The following SLIT1 variants were observed in gnomAD, a reference collection of about 807,000 sequenced individuals.
SLIT1 encodes slit guidance ligand 1, also known as slit homolog 1 protein.
A neutral mutation model predicts 186.1 loss-of-function variants in SLIT1; 66 were observed. The ratio of observed to expected loss-of-function variants is 0.35; its 90% CI spans 0.29 to 0.44. The LOEUF (loss-of-function observed/expected upper bound fraction) is 0.44. Among genes scored for constraint, SLIT1 ranks in the 20% least tolerant of loss-of-function variants. The pLI is 1.00. For missense variants in SLIT1, 1,638 were observed against 2,037.4 expected, an observed-to-expected ratio of 0.80 and a Z score of 3.77; for synonymous variants, 761 against 833.8, an observed-to-expected ratio of 0.91 and a Z score of 1.50.
rs184692643 is a variant in SLIT1 at position 97,145,329 on chromosome 10, G to A, written c.413+12489C>T. ...GACAGGGTTTCGCCCTGTTGGCCGG[G>A]ATGGTCTCGAACTCCTGACCTCGCG... On this transcript the variant is annotated intron_variant, in intron 4 of 36. Transcript: ENST00000266058. Among the ~76,000 whole-genome samples, 516 of 152,168 alleles carry A rather than the reference G, an allele frequency of 3.4e-3. 4 individuals carry two copies. The highest frequency in any genetic ancestry group is 0.012 in the African/African-American group (500 of 41,518).
At chr10:97,155,796 A>G (rs1460816066) in intron 4 of SLIT1, among the ~76,000 whole-genome samples, 3 of 152,250 alleles carry the variant, frequency 2.0e-5, no homozygotes, top group African/African-American at 7.2e-5. Context: ...TGCACAATTG[A>G]GACCAAGAGA....
intron 4 of SLIT1, among the ~76,000 whole-genome samples, chr10:97,070,567 G>C (rs1848993155): frequency 6.6e-6 from 1 of 152,216 alleles, no homozygotes; most frequent in Non-Finnish European, 1.5e-5. Flanking sequence ...GTATTAGGAG[G>C]TGAGGACTTT....
chr10:97,059,350 A>AG, intron 11 of SLIT1, 110 bp downstream of exon 11: 2 of 863,608 alleles, frequency 2.3e-6, no homozygotes, highest in Non-Finnish European at 1.9e-6. Flanking sequence ...GGCTGTGTGG[A>AG]GGGGGGCATA....
intron 4 of SLIT1, among the ~76,000 whole-genome samples, chr10:97,092,916 A>C (rs942652895): frequency 1.3e-5 from 2 of 152,226 alleles, no homozygotes; most frequent in Non-Finnish European, 2.9e-5. Flanking sequence ...CCATGAGGCC[A>C]CTGGACTATT....
At chr10:97,108,580 G>C (rs570921259) in intron 4 of SLIT1, among the ~76,000 whole-genome samples, 3 of 152,272 alleles carry the variant, frequency 2.0e-5, no homozygotes, top group African/African-American at 7.2e-5. Context: ...GCCCAACATG[G>C]CATCGGCTGG....
chr10:97,165,356 TG>T (rs899788832), intron 1 of SLIT1, among the ~76,000 whole-genome samples: 5 of 152,150 alleles, frequency 3.3e-5, no homozygotes, highest in African/African-American at 1.2e-4. Context: ...AAGGTCCCCA[TG>T]GGGACACCAG....
chr10:97,141,927 G>C (rs958099450), intron 4 of SLIT1, among the ~76,000 whole-genome samples: 6 of 152,096 alleles, frequency 3.9e-5, no homozygotes, highest in African/African-American at 1.4e-4. Flanking sequence ...CAGCCTCCCA[G>C]TAGTTGGGAC....
intron 18 of SLIT1, among the ~76,000 whole-genome samples, chr10:97,046,331 T>C (rs572689549): frequency 3.3e-4 from 50 of 152,210 alleles, no homozygotes; most frequent in Admixed American, 1.8e-3. Flanking sequence ...CCTGCAGCAG[T>C]GCCAGCCACT....
chr10:97,040,570 G>T (rs1848682096), intron 20 of SLIT1, among the ~76,000 whole-genome samples: 1 of 152,154 alleles, frequency 6.6e-6, no homozygotes, highest in Non-Finnish European at 1.5e-5. Context: ...AGTGCCTAGT[G>T]CAGTGCCTGG....
chr10:97,004,236 G>A lies in SLIT1; in HGVS notation c.3711-14C>T. ...ATCGTCTCAGCACTGGAGGAAGAGG[G>A]GGTTCCCCGTTCCAGGGAGTGGGCA... is the stretch of plus-strand genomic sequence containing the variant. On this transcript the variant is annotated splice_polypyrimidine_tract_variant and intron_variant, in intron 33 of 36. Coordinates refer to ENST00000266058, the MANE Select transcript of SLIT1 (RefSeq NM_003061.3). The surrounding 1 kb of genome is among the most constrained non-coding windows in gnomAD (Gnocchi z 5.1). The A allele has an allele frequency of 6.3e-7, 1 of 1,594,154 alleles. No homozygotes were observed. Among genetic ancestry groups the A allele is most frequent in the Non-Finnish European group, 8.6e-7 (1 of 1,163,568 alleles).
intron 21 of SLIT1, 106 bp downstream of exon 21, chr10:97,039,882 T>A: frequency 7.6e-7 from 1 of 1,317,802 alleles, no homozygotes; most frequent in Non-Finnish European, 1.0e-6. Flanking sequence ...TGCCTGCTCT[T>A]GGTCACCTCC....
In SLIT1 at chr10:97,094,894, G is replaced by T. The variant is rs142469148; in HGVS notation, c.414-28808C>A. Reference sequence around the variant, plus strand: ...ATGGAATTATTTTAAACAAATAAACGCAAATGAGCACATCTCAATAAATGA... The same window carrying T: ...ATGGAATTATTTTAAACAAATAAACTCAAATGAGCACATCTCAATAAATGA... On this transcript the variant is annotated intron_variant, in intron 4 of 36. Transcript: ENST00000266058. 1.9e-3 allele frequency among the ~76,000 whole-genome samples: 292 copies of T among 152,242 alleles called. 1 individual carries two copies. The highest frequency in any genetic ancestry group is 0.01 in the East Asian group (54 of 5,194).
At chr10:97,182,315 G>C (rs761068315) in intron 1 of SLIT1, among the ~76,000 whole-genome samples, 1 of 152,170 alleles carries the variant, frequency 6.6e-6, no homozygotes, top group Non-Finnish European at 1.5e-5. Flanking sequence ...GCAGGCTGCC[G>C]CAGAAACTGC....
chr10:97,121,020 G>T (rs1022381111), intron 4 of SLIT1, among the ~76,000 whole-genome samples: 13 of 152,244 alleles, frequency 8.5e-5, no homozygotes, highest in African/African-American at 2.9e-4. Flanking sequence ...TGTCAAGACG[G>T]TCTCCCTGGC....
chr10:97,042,883 CG>C lies in SLIT1; in HGVS notation c.2164+17del, dbSNP rs755333886. On this transcript the variant is annotated intron_variant, in intron 20 of 36. Coordinates refer to ENST00000266058, the MANE Select transcript of SLIT1 (RefSeq NM_003061.3). ...CCCAGGGCGCCCTCTCCCTTGCCAC[CG>C]GGGGGCCACGAGTTACCTTCCTCAC... 1.7e-5 allele frequency: 28 copies of C among 1,610,872 alleles called. No individual in the cohort carries two copies. In the South Asian group the frequency reaches 2.6e-4, roughly 15 times the overall value.
intron 30 of SLIT1, among the ~76,000 whole-genome samples, chr10:97,012,273 C>G (rs1848418706): frequency 6.6e-6 from 1 of 152,128 alleles, no homozygotes; most frequent in African/African-American, 2.4e-5. Flanking sequence ...CCCTTTATAT[C>G]CAATTGATCA....
intron 4 of SLIT1, among the ~76,000 whole-genome samples, chr10:97,136,487 A>G (rs1185737580): frequency 4.6e-5 from 7 of 152,134 alleles, no homozygotes; most frequent in Non-Finnish European, 1.5e-5. Context: ...ATCTTTTTGT[A>G]TCCTTACTTT....
intron 20 of SLIT1, 80 bp from the exon 21 acceptor site, chr10:97,040,200 G>C (rs942064507): frequency 7.9e-6 from 11 of 1,400,450 alleles, no homozygotes; most frequent in Non-Finnish European, 9.4e-6. Flanking sequence ...GCCATGCTCT[G>C]GGGCCTCTCA....
At chr10:97,007,925 T>C (rs1848373958) in intron 31 of SLIT1, among the ~76,000 whole-genome samples, 1 of 146,146 alleles carries the variant, frequency 6.8e-6, no homozygotes. Context: ...AATATTTTAC[T>C]GGAAGTTCTA....
Sources: allele counts gnomAD v4.1 joint callset (sites outside exome capture counted in the v4.1 genomes callset), GRCh38; gene constraint gnomAD v4.1.1; non-coding constraint Gnocchi (gnomAD v3.1); transcripts MANE v1.5; gene names NCBI Gene and HGNC (gene_info 2026-07-23, HGNC 2026-07-21).